The following OSBPL10 variants were observed in gnomAD, a reference collection of about 807,000 sequenced individuals.
OSBPL10 encodes oxysterol binding protein like 10, also known as oxysterol-binding protein-related protein 10.
OSBPL10 carries 49 observed loss-of-function variants against 81.7 expected under a neutral mutation model. That is an observed-to-expected ratio of 0.60 (90% CI 0.48 to 0.76). OSBPL10 has a LOEUF of 0.76. Ranked by LOEUF, OSBPL10 falls within the 30% of genes least tolerant of loss-of-function variation. OSBPL10 has a pLI of 0.00. For missense variants in OSBPL10, 923 were observed against 987.8 expected (o/e 0.93, Z 0.88); for synonymous variants, 419 against 383.6 (o/e 1.09, Z -1.08).
chr3:31,957,213 G>GT (rs947583559), intron 1 of OSBPL10, among the ~76,000 whole-genome samples: 1 of 152,080 alleles, frequency 6.6e-6, no homozygotes. Context: ...AGAACTTTTT[G>GT]TTTTTTTAAC....
At chr3:32,053,713 C>A (rs934874988) in intron 1 of OSBPL10, among the ~76,000 whole-genome samples, 6 of 152,162 alleles carry the variant, frequency 3.9e-5, no homozygotes, top group African/African-American at 1.4e-4. Context: ...GTGGCTCACA[C>A]CTGTAATCCC....
At chr3:31,847,545 T>C (rs1700663968) in intron 3 of OSBPL10, among the ~76,000 whole-genome samples, 1 of 152,124 alleles carries the variant, frequency 6.6e-6, no homozygotes, top group Admixed American at 6.5e-5. Flanking sequence ...GAGCTGTCCT[T>C]TCCTTAAACT....
rs575522105 is a variant in OSBPL10 at position 31,673,090 on chromosome 3, G to C, written c.1727-2107C>G. 9.9e-5 allele frequency among the ~76,000 whole-genome samples: 15 copies of C among 152,226 alleles called. No homozygotes were observed. The East Asian group carries it at 2.7e-3, about 27-fold the overall frequency. ...AAAGTAAAGCCCCAGGCCACCTCTT[G>C]CTCTCATTCTGTCATTCATTCTTCC... On this transcript the variant is annotated intron_variant, in intron 8 of 11. Coordinates refer to ENST00000396556, the MANE Select transcript of OSBPL10 (RefSeq NM_017784.5).
At chr3:31,696,592 C>T (rs557529846) in intron 7 of OSBPL10, among the ~76,000 whole-genome samples, 4 of 152,352 alleles carry the variant, frequency 2.6e-5, no homozygotes, top group African/African-American at 9.6e-5. Context: ...CTTCACGTGG[C>T]TTCCACAACA....
At chr3:31,913,544 G>A (rs1019741831) in intron 1 of OSBPL10, among the ~76,000 whole-genome samples, 3 of 152,008 alleles carry the variant, frequency 2.0e-5, no homozygotes, top group Non-Finnish European at 2.9e-5. Context: ...CACCACGCCC[G>A]GCCCAAGTAC....
chr3:31,963,376 C>T (rs190272398), intron 1 of OSBPL10, among the ~76,000 whole-genome samples: 76 of 152,258 alleles, frequency 5.0e-4, no homozygotes, highest in Non-Finnish European at 6.5e-4. Flanking sequence ...TTTCCAAGAA[C>T]AAGGACATTT....
At chr3:31,692,882 A>G (rs762152317) in intron 7 of OSBPL10, among the ~76,000 whole-genome samples, 6 of 152,254 alleles carry the variant, frequency 3.9e-5, no homozygotes, top group Admixed American at 1.3e-4. Context: ...GGGCCTGAAG[A>G]CTACCATTGT....
intron 4 of OSBPL10, among the ~76,000 whole-genome samples, chr3:31,754,696 T>G (rs1559450322): frequency 6.6e-6 from 1 of 152,194 alleles, no homozygotes; most frequent in Non-Finnish European, 1.5e-5. Context: ...GTATGTTCTC[T>G]GTGGCAACTA....
chr3:31,888,782 G>C (rs772661841), intron 1 of OSBPL10, among the ~76,000 whole-genome samples: 3 of 152,122 alleles, frequency 2.0e-5, no homozygotes, highest in Non-Finnish European at 4.4e-5. Flanking sequence ...AAATTAGCCA[G>C]GCCTGGTGGT....
intron 4 of OSBPL10, among the ~76,000 whole-genome samples, chr3:31,750,758 T>C (rs899493956): frequency 6.6e-5 from 10 of 152,106 alleles, no homozygotes; most frequent in South Asian, 4.1e-4. Flanking sequence ...AATGATGCCA[T>C]AATCTTAAGA....
chr3:31,898,006 CAAAAAAAAAAAAAAAAAAA>C (rs58479197), intron 1 of OSBPL10, among the ~76,000 whole-genome samples: 8 of 62,454 alleles, frequency 1.3e-4, no homozygotes, highest in Non-Finnish European at 1.9e-4. Context: ...AGAACTCTGT[CAAAAAAAAAAAAAAAAAAA>C]AAAAAAAAAA....
intron 6 of OSBPL10, among the ~76,000 whole-genome samples, chr3:31,731,232 G>A (rs1696962352): frequency 6.6e-6 from 1 of 152,024 alleles, no homozygotes; most frequent in African/African-American, 2.4e-5. Context: ...AAAATGAGGG[G>A]AGTCTTTGCC....
chr3:31,886,730 A>T (rs536969465), intron 1 of OSBPL10, among the ~76,000 whole-genome samples: 332 of 152,280 alleles, frequency 2.2e-3, no homozygotes, highest in African/African-American at 7.4e-3. Flanking sequence ...TCACGAGGTC[A>T]GGAGTTCGAG....
At chr3:31,697,823 A>C (rs12489454) in intron 7 of OSBPL10, among the ~76,000 whole-genome samples, 34,799 of 151,344 alleles carry the variant, frequency 0.23, 4,834 homozygotes, top group East Asian at 0.57. Context: ...AGTGCAATGG[A>C]GTGATCTCAG....
intron 10 of OSBPL10, among the ~76,000 whole-genome samples, chr3:31,665,814 C>T (rs544770762): frequency 2.0e-5 from 3 of 152,246 alleles, no homozygotes; most frequent in African/African-American, 7.2e-5. Context: ...GGCTGGGCAC[C>T]AGGACAGCTG....
intron 2 of OSBPL10, among the ~76,000 whole-genome samples, chr3:32,015,333 T>C (rs112734488): frequency 0.98 from 149,336 of 152,328 alleles, 73,205 homozygotes; most frequent in East Asian, 1. Context: ...CTGACAATAA[T>C]AAGAAATGGG....
intron 1 of OSBPL10, among the ~76,000 whole-genome samples, chr3:31,886,643 C>T (rs985389953): frequency 1.3e-5 from 2 of 152,210 alleles, no homozygotes; most frequent in Admixed American, 1.3e-4. Flanking sequence ...TGTTCTTCAG[C>T]TTAAGACCCT....
intron 1 of OSBPL10, among the ~76,000 whole-genome samples, chr3:32,062,004 C>A (rs1158314655): frequency 1.1e-5 from 1 of 93,426 alleles, no homozygotes; most frequent in African/African-American, 2.8e-5. Context: ...GTTGAATATG[C>A]AGATGCAGTA....
At chr3:32,057,425 T>C (rs1444204922) in intron 1 of OSBPL10, among the ~76,000 whole-genome samples, 2 of 152,182 alleles carry the variant, frequency 1.3e-5, no homozygotes, top group African/African-American at 4.8e-5. Flanking sequence ...TATAGAGAAT[T>C]GCCTGAGACT....
Sources: allele counts gnomAD v4.1 joint callset (sites outside exome capture counted in the v4.1 genomes callset), GRCh38; gene constraint gnomAD v4.1.1; transcripts MANE v1.5; gene names NCBI Gene and HGNC (gene_info 2026-07-23, HGNC 2026-07-21).